LARGE1: variants seen among roughly 807,000 people sequenced by gnomAD.
The protein encoded by LARGE1 is LARGE xylosyl- and glucuronyltransferase 1, also known as xylosyl- and glucuronyltransferase LARGE1.
Under a neutral mutation model 87.6 loss-of-function variants are expected in LARGE1, and 43 were observed. The observed-to-expected ratio is 0.49, with a 90% CI of 0.38 to 0.63. LARGE1 has a LOEUF of 0.63. LARGE1 is among the 30% of genes least tolerant of loss of function. The pLI is 0.00. For synonymous variants in LARGE1, 434 were observed against 394.6 expected, an observed-to-expected ratio of 1.10 and a Z score of -1.18; for missense variants, 802 against 1,000.2, an observed-to-expected ratio of 0.80 and a Z score of 2.67.
rs557563359 is a variant in LARGE1, at chr22:33,273,669, G to A, written c.*758C>T. 4.0e-5 allele frequency: 16 copies of A among 398,710 alleles called. No individual in the cohort carries two copies. The highest frequency in any genetic ancestry group is 1.8e-4 in the East Asian group (5 of 28,082). 24.7% of individuals were successfully genotyped at this position (398,710 alleles called of 1,614,324 possible). The stretch of plus-strand genomic sequence containing the variant: ...AGGAAGCTGCCCATGTTTAAATATC[G>A]GCCGAAGATGCTTGACCTCCTTCCT... On this transcript the variant is annotated 3_prime_UTR_variant, in exon 15 of 15. Transcript: ENST00000397394.
rs145412751 is a variant in LARGE1, at chr22:33,645,129, G to C, written c.408+5238C>G. Among the ~76,000 whole-genome samples the C allele has an allele frequency of 2.1e-4, 32 of 152,268 alleles. No homozygotes were observed. The East Asian group carries it at 5.6e-3, about 27-fold the overall frequency. ...ATCTTAAGCAAAAAGAACAAAGCTG[G>C]AGGCATTATGCTACCTGACTTCAAA... On this transcript the variant is annotated intron_variant, in intron 3 of 14. Transcript: ENST00000397394.
At chr22:33,545,942 C>T (rs2077350365) in intron 6 of LARGE1, among the ~76,000 whole-genome samples, 1 of 152,194 alleles carries the variant, frequency 6.6e-6, no homozygotes, top group Non-Finnish European at 1.5e-5. Context: ...TCAACCTCTG[C>T]CTTAGTTCAG....
At position 33,592,665 on chromosome 22, in the gene LARGE1, A is replaced by G. The variant is rs141759596; in HGVS notation, c.615+11770T>C. Among the ~76,000 whole-genome samples the G allele has an allele frequency of 9.2e-3, 1,387 of 151,464 alleles. 21 individuals carry two copies. Among genetic ancestry groups the G allele is most frequent in the African/African-American group, 0.032 (1,297 of 41,058 alleles). ...CAACTGACTTAAAACAATTATTTAC[A>G]TATCACTCTATGTGTAACTCTGTAC... On this transcript the variant is annotated intron_variant, in intron 5 of 14. Coordinates refer to ENST00000397394, the MANE Select transcript of LARGE1 (RefSeq NM_133642.5).
intron 11 of LARGE1, among the ~76,000 whole-genome samples, chr22:33,310,952 T>G (rs1316415288): frequency 6.7e-6 from 1 of 149,156 alleles, no homozygotes; most frequent in Non-Finnish European, 1.5e-5. Flanking sequence ...TATATGTGAG[T>G]GGGGCCCGGA....
At chr22:33,790,750 C>T (rs376431943) in intron 1 of LARGE1, among the ~76,000 whole-genome samples, 5 of 152,150 alleles carry the variant, frequency 3.3e-5, no homozygotes, top group East Asian at 1.9e-4. Flanking sequence ...TGAAAAACTC[C>T]GCATCCAGAG....
In LARGE1 at chr22:33,614,784, CT is replaced by C. The variant is rs539784893; in HGVS notation, c.492-10227del. On this transcript the variant is annotated intron_variant, in intron 4 of 14. Transcript: ENST00000397394. ...TTAACCTCCAAGACTACCTCCTACC[CT>C]CCATGAGACTGTCAGCTGTGGAGGA... is the stretch of plus-strand genomic sequence containing the variant. Among the ~76,000 whole-genome samples the C allele has an allele frequency of 2.8e-3, 434 of 152,314 alleles. 3 individuals carry two copies. Among genetic ancestry groups the C allele is most frequent in the African/African-American group, 0.01 (420 of 41,560 alleles).
intron 6 of LARGE1, among the ~76,000 whole-genome samples, chr22:33,489,313 AG>A (rs2069721771): frequency 6.6e-6 from 1 of 152,086 alleles, no homozygotes; most frequent in Non-Finnish European, 1.5e-5. Context: ...TTACCTTCCC[AG>A]GTCTTTTCAA....
intron 2 of LARGE1, among the ~76,000 whole-genome samples, chr22:33,719,572 G>T (rs1371509022): frequency 6.6e-6 from 1 of 151,666 alleles, no homozygotes; most frequent in East Asian, 1.9e-4. Flanking sequence ...CCAGGCTGGA[G>T]TGTAGTGGCA....
At chr22:33,737,812 G>C (rs2083711550) in intron 2 of LARGE1, 1 of 152,186 alleles carries the variant, frequency 6.6e-6, no homozygotes, top group Admixed American at 6.5e-5. Context: ...GGATTCTAGG[G>C]AGATGGGGCT....
chr22:33,836,091 C>G (rs542735648), intron 1 of LARGE1, among the ~76,000 whole-genome samples: 20 of 152,178 alleles, frequency 1.3e-4, no homozygotes, highest in African/African-American at 4.6e-4. Context: ...CAAAGGGATC[C>G]GTGACCAGGA....
At chr22:33,556,228 T>C (rs925660294) in intron 6 of LARGE1, among the ~76,000 whole-genome samples, 1 of 152,072 alleles carries the variant, frequency 6.6e-6, no homozygotes, top group Middle Eastern at 3.2e-3. Context: ...AGCGGTTAAG[T>C]GTCGGCTCTG....
intron 6 of LARGE1, among the ~76,000 whole-genome samples, chr22:33,498,707 C>G (rs537786116): frequency 1.3e-5 from 2 of 152,182 alleles, no homozygotes; most frequent in Non-Finnish European, 2.9e-5. Flanking sequence ...CGCGGGGGCT[C>G]ACACCTGTAA....
intron 5 of LARGE1, among the ~76,000 whole-genome samples, chr22:33,596,378 T>C (rs966069916): frequency 1.3e-5 from 2 of 152,230 alleles, no homozygotes; most frequent in Admixed American, 6.5e-5. Context: ...CTTGCCCTCA[T>C]TGTGTGAGAC....
intron 11 of LARGE1, among the ~76,000 whole-genome samples, chr22:33,185,010 T>C (rs1291042712): frequency 3.3e-5 from 5 of 152,182 alleles, no homozygotes. Flanking sequence ...TCTTATAAAA[T>C]TAAACATAAT....
At chr22:33,373,448 T>G (rs760940022) in intron 9 of LARGE1, among the ~76,000 whole-genome samples, 6 of 152,208 alleles carry the variant, frequency 3.9e-5, no homozygotes, top group Admixed American at 1.3e-4. Context: ...AGAATGGTAA[T>G]TTCACTTCTT....
intron 9 of LARGE1, among the ~76,000 whole-genome samples, chr22:33,348,012 T>C (rs1031715984): frequency 5.3e-5 from 8 of 152,024 alleles, no homozygotes; most frequent in Admixed American, 1.3e-4. Context: ...ATTTTAAATA[T>C]GGGGCTGCAG....
At chr22:33,091,225 G>A in the LARGE1 span, among the ~76,000 whole-genome samples, 1 of 152,232 alleles carries the variant, frequency 6.6e-6, no homozygotes, top group Non-Finnish European at 1.5e-5. Context: ...ATGCCTAGAA[G>A]GGAAGCCAGG....
chr22:33,542,774 T>G (rs2027834), intron 6 of LARGE1, among the ~76,000 whole-genome samples: 64,891 of 151,532 alleles, frequency 0.43, 14,810 homozygotes, highest in Admixed American at 0.51. Context: ...ATCCATTTAT[T>G]TTACTAATCA....
At chr22:33,118,824 A>T in the LARGE1 span, among the ~76,000 whole-genome samples, 2 of 152,212 alleles carry the variant, frequency 1.3e-5, no homozygotes, top group Non-Finnish European at 2.9e-5. Context: ...CATCTTTATA[A>T]GGTTTCAGTA....
Sources: gnomAD v4.1 joint callset for allele counts (sites outside exome capture counted in the v4.1 genomes callset) on GRCh38, gnomAD v4.1.1 for gene constraint, MANE v1.5 for transcripts, NCBI Gene and HGNC (gene_info 2026-07-23, HGNC 2026-07-21) for gene names.